EZH1: variants seen among roughly 807,000 people sequenced by gnomAD.
EZH1 encodes histone-lysine N-methyltransferase EZH1.
In EZH1, 33 loss-of-function variants were observed where a neutral mutation model predicts 100.5. That is an observed-to-expected ratio of 0.33 (90% CI 0.25 to 0.44). EZH1 has a LOEUF of 0.44. Among genes scored for constraint, EZH1 ranks in the 20% least tolerant of loss-of-function variants. The pLI, the probability that EZH1 is intolerant of heterozygous loss-of-function variation, is 1.00. For missense variants in EZH1, 475 were observed against 928.4 expected (o/e 0.51, Z 6.35); for synonymous variants, 272 against 313.8 (o/e 0.87, Z 1.41).
intron 10 of EZH1, among the ~76,000 whole-genome samples, chr17:42,715,770 C>T (rs1434786975): frequency 6.6e-6 from 1 of 151,980 alleles, no homozygotes; most frequent in Non-Finnish European, 1.5e-5. Flanking sequence ...CATAACAAGG[C>T]CGGGCGCCTT....
chr17:42,704,535 A>T, intron 18 of EZH1, 67 bp downstream of exon 18: 2 of 1,322,608 alleles, frequency 1.5e-6, no homozygotes, highest in Non-Finnish European at 2.1e-6. Context: ...GCAACAGAGC[A>T]AGACTCCGTC....
At chr17:42,724,641 C>A (rs1041189916) in intron 4 of EZH1, 6 of 427,686 alleles carry the variant, frequency 1.4e-5, no homozygotes, top group African/African-American at 4.1e-5. Context: ...CAAAAATTAG[C>A]TGAGCATGGT....
chr17:42,741,901 G>C (rs1461472507), intron 1 of EZH1, among the ~76,000 whole-genome samples: 1 of 151,812 alleles, frequency 6.6e-6, no homozygotes, highest in Non-Finnish European at 1.5e-5. Context: ...ATGTTGCCCA[G>C]GCTGGTCTCA....
intron 10 of EZH1, among the ~76,000 whole-genome samples, chr17:42,717,234 A>G (rs1395740243): frequency 6.6e-6 from 1 of 152,100 alleles, no homozygotes; most frequent in Non-Finnish European, 1.5e-5. Flanking sequence ...GAAAAAATAA[A>G]CCCAATAACG....
At chr17:42,705,255 TGTGTG>T in intron 16 of EZH1, 72 bp from the exon 17 acceptor site, 2 of 571,944 alleles carry the variant, frequency 3.5e-6, no homozygotes, top group South Asian at 3.2e-5. Flanking sequence ...GATGTGCACA[TGTGTG>T]GTGGGGGTGG....
intron 19 of EZH1, 73 bp downstream of exon 19, chr17:42,703,667 T>A: frequency 9.0e-7 from 1 of 1,105,010 alleles, no homozygotes; most frequent in Non-Finnish European, 1.4e-6. Context: ...AAGGAAAATG[T>A]TCAACAACGA....
intron 1 of EZH1, among the ~76,000 whole-genome samples, chr17:42,742,142 T>TC (rs1348411206): frequency 2.9e-5 from 4 of 138,688 alleles, no homozygotes; most frequent in Non-Finnish European, 6.2e-5. Flanking sequence ...GCTGTCTCTC[T>TC]TTTTTTTTTT....
At chr17:42,741,196 G>A (rs2054169123) in intron 1 of EZH1, among the ~76,000 whole-genome samples, 1 of 152,224 alleles carries the variant, frequency 6.6e-6, no homozygotes, top group Admixed American at 6.5e-5. Context: ...GACGCTACTA[G>A]TGAACAAAAT....
chr17:42,720,722 C>T (rs913687931), intron 6 of EZH1, among the ~76,000 whole-genome samples: 3 of 152,056 alleles, frequency 2.0e-5, no homozygotes, highest in East Asian at 1.9e-4. Context: ...TGCAATGGCG[C>T]GATCTTGGCT....
At chr17:42,703,672 C>A in intron 19 of EZH1, 68 bp downstream of exon 19, 2 of 1,144,834 alleles carry the variant, frequency 1.7e-6, no homozygotes, top group South Asian at 2.5e-5. Context: ...AAATGTTCAA[C>A]AACGAATGGA....
intron 10 of EZH1, among the ~76,000 whole-genome samples, chr17:42,717,612 C>T (rs918300466): frequency 2.0e-5 from 3 of 152,120 alleles, no homozygotes; most frequent in Non-Finnish European, 2.9e-5. Context: ...ACGTGCTATT[C>T]GTCTCATAGT....
intron 1 of EZH1, among the ~76,000 whole-genome samples, chr17:42,734,050 AT>A (rs111718392): frequency 0.047 from 6,567 of 139,976 alleles, 366 homozygotes; most frequent in African/African-American, 0.14. Context: ...ATGCACATGG[AT>A]TTTTTTTTTT....
intron 13 of EZH1, 124 bp from the exon 14 acceptor site, chr17:42,709,040 C>T (rs1316062439): frequency 1.0e-5 from 11 of 1,055,396 alleles, no homozygotes; most frequent in Admixed American, 2.0e-5. Context: ...CTTCCCAAAC[C>T]CCTCAACAGG....
intron 10 of EZH1, among the ~76,000 whole-genome samples, chr17:42,716,234 T>G (rs191496164): frequency 4.3e-4 from 65 of 152,208 alleles, no homozygotes; most frequent in Admixed American, 1.2e-3. Context: ...TTGTCCTAGG[T>G]GTAATAATGT....
At chr17:42,740,402 G>C (rs1290935531) in intron 1 of EZH1, among the ~76,000 whole-genome samples, 1 of 152,164 alleles carries the variant, frequency 6.6e-6, no homozygotes, top group Non-Finnish European at 1.5e-5. Flanking sequence ...ACCACGCCCA[G>C]CTAATTTTTG....
At chr17:42,738,108 G>A (rs551410935) in intron 1 of EZH1, among the ~76,000 whole-genome samples, 22 of 151,192 alleles carry the variant, frequency 1.5e-4, no homozygotes, top group Admixed American at 2.6e-4. Context: ...CCCAGGAGGC[G>A]GAGCTTGCAG....
chr17:42,703,610 T>C, intron 19 of EZH1, 130 bp downstream of exon 19: 2 of 674,186 alleles, frequency 3.0e-6, no homozygotes, highest in East Asian at 5.4e-5. Flanking sequence ...CCTAAAATGA[T>C]ACCAGATATT....
chr17:42,707,928 T>C, intron 15 of EZH1, 30 bp downstream of exon 15: 1 of 1,612,818 alleles, frequency 6.2e-7, no homozygotes, highest in Non-Finnish European at 8.5e-7. Context: ...ACTGTTTTGG[T>C]AGACTATACA....
At chr17:42,734,011 A>G (rs1859831181) in intron 1 of EZH1, among the ~76,000 whole-genome samples, 2 of 151,456 alleles carry the variant, frequency 1.3e-5, no homozygotes, top group African/African-American at 4.9e-5. Context: ...TACCACACAT[A>G]TACCACAATA....
Sources: gnomAD v4.1 joint callset for allele counts (sites outside exome capture counted in the v4.1 genomes callset) on GRCh38, gnomAD v4.1.1 for gene constraint, MANE v1.5 for transcripts, NCBI Gene and HGNC (gene_info 2026-07-23, HGNC 2026-07-21) for gene names.